MGAM: variants seen among roughly 807,000 people sequenced by gnomAD.
The protein encoded by MGAM is maltase-glucoamylase.
A neutral mutation model predicts 358.8 loss-of-function variants in MGAM; 253 were observed. That is an observed-to-expected ratio of 0.71 (90% confidence interval 0.64 to 0.78). The LOEUF (loss-of-function observed/expected upper bound fraction) is 0.78. MGAM is among the 30% of genes least tolerant of loss of function. The pLI, the probability that MGAM is intolerant of heterozygous loss-of-function variation, is 0.00. For synonymous variants in MGAM, 1,105 were observed against 1,227.1 expected, an observed-to-expected ratio of 0.90 and a Z score of 2.08; for missense variants, 3,080 against 3,432.6, an observed-to-expected ratio of 0.90 and a Z score of 2.57.
At chr7:142,071,553 G>C (rs143868874) in intron 44 of MGAM, among the ~76,000 whole-genome samples, 1,855 of 146,376 alleles carry the variant, frequency 0.013, 99 homozygotes, top group African/African-American at 0.043. Context: ...CAGGACTGAT[G>C]CATTTTAGCA....
In MGAM at chr7:142,017,159, C is replaced by T. The variant is rs1437279887; in HGVS notation, c.328-2040C>T. 3.9e-5 allele frequency among the ~76,000 whole-genome samples: 6 copies of T among 152,032 alleles called. No individual in the cohort carries two copies. In the East Asian group the frequency reaches 9.7e-4, roughly 24 times the overall value. ...TGTCTTTTTTCTTAATTTTTTGGAT[C>T]GAGGATTTCCACACTCCCCACAACT... On this transcript the variant is annotated intron_variant, in intron 3 of 70. Transcript: ENST00000475668.
At chr7:141,998,226 A>G (rs1443961781) in intron 1 of MGAM, among the ~76,000 whole-genome samples, 3 of 152,206 alleles carry the variant, frequency 2.0e-5, no homozygotes, top group Non-Finnish European at 4.4e-5. Context: ...TGCGTAATGT[A>G]TATATAGTAA....
intron 21 of MGAM, among the ~76,000 whole-genome samples, chr7:142,045,705 T>A (rs1810216537): frequency 2.5e-5 from 2 of 81,530 alleles, no homozygotes; most frequent in Admixed American, 1.8e-4. Flanking sequence ...AATATATGAA[T>A]ATATAATATA....
chr7:142,086,891 T>G lies in MGAM; in HGVS notation c.6810+174T>G, dbSNP rs1416652823. 3.3e-4 allele frequency among the ~76,000 whole-genome samples: 33 copies of G among 99,724 alleles called. 12 individuals are homozygous for G. Among genetic ancestry groups the G allele is most frequent in the African/African-American group, 1.2e-3 (30 of 24,426 alleles). 65.4% of individuals were successfully genotyped at this position (99,724 alleles called of 152,430 possible). A position where few individuals can be genotyped will look rare whatever the true frequency, so the allele number is the denominator to read the frequency against. On this transcript the variant is annotated intron_variant, in intron 57 of 70. Coordinates refer to ENST00000475668, the MANE Select transcript of MGAM (RefSeq NM_001365693.1). Reference sequence around the variant, plus strand: ...CATTACTTTATAGGTAGTCATACTTTACTGGCCACTGGGATGTAGACATGT... The same window carrying G: ...CATTACTTTATAGGTAGTCATACTTGACTGGCCACTGGGATGTAGACATGT...
Position 142,031,931 on chromosome 7 carries a change from C to A in MGAM, c.1584+138C>A, listed in dbSNP as rs77084003. 6.7e-3 allele frequency: 3,642 copies of A among 543,438 alleles called. 88 individuals carry two copies. The highest frequency in any genetic ancestry group is 0.062 in the African/African-American group (3,231 of 52,330). The allele number at this position is 543,438 out of a possible 1,614,324, so 33.7% of individuals were successfully genotyped here. A position where few individuals can be genotyped will look rare whatever the true frequency, so the allele number is the denominator to read the frequency against. Reference sequence around the variant, plus strand: ...ATAACAATCACTCTCAATATTCACTCTCTTACTATTTAAATAATCTTGCTA... The same window carrying A: ...ATAACAATCACTCTCAATATTCACTATCTTACTATTTAAATAATCTTGCTA... On this transcript the variant is annotated intron_variant, in intron 13 of 70. Coordinates refer to ENST00000475668, the MANE Select transcript of MGAM (RefSeq NM_001365693.1).
At chr7:142,011,081 C>G (rs1479723348) in intron 3 of MGAM, among the ~76,000 whole-genome samples, 1 of 152,062 alleles carries the variant, frequency 6.6e-6, no homozygotes, top group Non-Finnish European at 1.5e-5. Context: ...AAAGATAAAC[C>G]CGCATGCCCT....
At chr7:142,046,399 C>G (rs1337057442) in intron 21 of MGAM, among the ~76,000 whole-genome samples, 2 of 151,698 alleles carry the variant, frequency 1.3e-5, no homozygotes, top group Middle Eastern at 3.2e-3. Context: ...AACTGTGGGT[C>G]TCATTCCTCC....
chr7:142,068,949 T>A (rs1225521258), intron 43 of MGAM, among the ~76,000 whole-genome samples: 1 of 146,492 alleles, frequency 6.8e-6, no homozygotes, highest in Non-Finnish European at 1.5e-5. Flanking sequence ...TTTGTGGGTG[T>A]TCTCTTTGTG....
Position 142,045,696 on chromosome 7 carries a change from A to ATG in MGAM, c.2499-2088_2499-2087insGT, listed in dbSNP as rs1264829145. Among the ~76,000 whole-genome samples the ATG allele has an allele frequency of 4.0e-3, 389 of 96,502 alleles. 15 individuals carry two copies. The highest frequency in any genetic ancestry group is 0.014 in the African/African-American group (358 of 25,310). 63.3% of individuals were successfully genotyped at this position (96,502 alleles called of 152,430 possible). A position where few individuals can be genotyped will look rare whatever the true frequency, so the allele number is the denominator to read the frequency against. Reference sequence around the variant, plus strand: ...ATATAATATATATTATATACATACAATATATGAATATATAATATATAATAT... The same window carrying ATG: ...ATATAATATATATTATATACATACAATGTATATGAATATATAATATATAATAT... On this transcript the variant is annotated intron_variant, in intron 21 of 70. Coordinates refer to ENST00000475668, the MANE Select transcript of MGAM (RefSeq NM_001365693.1).
intron 14 of MGAM, among the ~76,000 whole-genome samples, chr7:142,033,610 G>C (rs1584952126): frequency 6.6e-6 from 1 of 152,252 alleles, no homozygotes; most frequent in Non-Finnish European, 1.5e-5. Flanking sequence ...TTGGATGAGA[G>C]GCTAAACAGT....
intron 8 of MGAM, 28 bp downstream of exon 8, chr7:142,025,177 G>A: frequency 1.3e-6 from 2 of 1,511,408 alleles, no homozygotes; most frequent in Non-Finnish European, 1.8e-6. Context: ...GAAAAAACAA[G>A]CACAAGAGTG....
At chr7:142,088,396 C>T (rs956188791) in intron 57 of MGAM, among the ~76,000 whole-genome samples, 8 of 144,974 alleles carry the variant, frequency 5.5e-5, no homozygotes, top group African/African-American at 1.7e-4. Flanking sequence ...TACTACTGAA[C>T]AAGTATCTAT....
At chr7:141,989,879 T>C (rs1158886368) in intron 2 of MGAM, among the ~76,000 whole-genome samples, 1 of 152,224 alleles carries the variant, frequency 6.6e-6, no homozygotes, top group Non-Finnish European at 1.5e-5. Context: ...AATCCACCCA[T>C]AGTTAATTAC....
At chr7:141,992,977 A>G (rs187093184), upstream of MGAM, among the ~76,000 whole-genome samples, 12 of 152,346 alleles carry the variant, frequency 7.9e-5, no homozygotes, top group African/African-American at 2.9e-4. Flanking sequence ...TGCCAAAGAA[A>G]CACGGTAAGT....
intron 57 of MGAM, among the ~76,000 whole-genome samples, chr7:142,089,920 C>G (rs974493797): frequency 4.1e-5 from 6 of 146,536 alleles, no homozygotes; most frequent in African/African-American, 1.5e-4. Flanking sequence ...CACTGATGTC[C>G]AGGTCTGGCT....
At chr7:142,069,796 C>T (rs1813178162) in intron 43 of MGAM, among the ~76,000 whole-genome samples, 1 of 145,346 alleles carries the variant, frequency 6.9e-6, no homozygotes, top group African/African-American at 2.4e-5. Flanking sequence ...GTGAGACTGG[C>T]CTTTGTCCTG....
At chr7:142,039,703 C>T (rs960705868) in intron 19 of MGAM, among the ~76,000 whole-genome samples, 5 of 152,124 alleles carry the variant, frequency 3.3e-5, no homozygotes, top group Admixed American at 1.3e-4. Flanking sequence ...TCAGGCTGAT[C>T]GGGATGTGAT....
chr7:141,995,245 C>CAAAA (rs60373445), upstream of MGAM, among the ~76,000 whole-genome samples: 50 of 134,268 alleles, frequency 3.7e-4, no homozygotes, highest in East Asian at 6.0e-3. Flanking sequence ...AAAAGCCAAC[C>CAAAA]AAAAAAAAAA....
chr7:142,008,433 G>A (rs1805333201), intron 2 of MGAM, 73 bp from the exon 3 acceptor site: 4 of 1,448,686 alleles, frequency 2.8e-6, no homozygotes, highest in African/African-American at 1.4e-5. Context: ...GTTAATTGGA[G>A]GTGTTGAGAA....
Sources: gnomAD v4.1 joint callset for allele counts (sites outside exome capture counted in the v4.1 genomes callset) on GRCh38, gnomAD v4.1.1 for gene constraint, MANE v1.5 for transcripts, NCBI Gene and HGNC (gene_info 2026-07-23, HGNC 2026-07-21) for gene names.